The following RSF1 variants were observed in gnomAD, a reference collection of about 807,000 sequenced individuals.
RSF1 encodes the protein remodeling and spacing factor 1.
RSF1 carries 13 observed loss-of-function variants against 145.2 expected under a neutral mutation model. That is an observed-to-expected ratio of 0.09 (90% CI 0.06 to 0.14). RSF1 has a LOEUF of 0.14. Ranked by LOEUF, RSF1 falls within the 10% of genes least tolerant of loss-of-function variation. The probability of loss-of-function intolerance (pLI) is 1.00; values close to 1 mark genes in which losing one functional copy is unlikely to be tolerated. For missense variants in RSF1, 1,517 were observed against 1,718.2 expected (o/e 0.88, Z 2.07); for synonymous variants, 577 against 592.6 (o/e 0.97, Z 0.38).
At chr11:77,791,315 C>A (rs1401419921) in intron 1 of RSF1, among the ~76,000 whole-genome samples, 2 of 152,150 alleles carry the variant, frequency 1.3e-5, no homozygotes, top group Non-Finnish European at 2.9e-5. Context: ...GCTGGAGTGG[C>A]TGGGATGCAG....
rs576316931 is a variant in RSF1, at chr11:77,808,661, G to A, written c.187+11867C>T. Among the ~76,000 whole-genome samples the A allele has an allele frequency of 9.4e-4, 117 of 124,068 alleles. 11 individuals carry two copies. The highest frequency in any genetic ancestry group is 4.5e-4 in the Non-Finnish European group (28 of 62,758). 81.4% of individuals were successfully genotyped at this position (124,068 alleles called of 152,430 possible). On this transcript the variant is annotated intron_variant, in intron 1 of 15. Transcript: ENST00000308488. ...CCATTCTCCTGCCTCAGCCTCCCGA[G>A]TAGCTGGGACTACAGGCGCCCGCCA...
chr11:77,778,802 CT>C (rs1240540354), intron 1 of RSF1, among the ~76,000 whole-genome samples: 2 of 152,260 alleles, frequency 1.3e-5, no homozygotes, highest in East Asian at 3.9e-4. Flanking sequence ...TCTGATTTAT[CT>C]TCTCTCTCTG....
intron 5 of RSF1, among the ~76,000 whole-genome samples, chr11:77,706,393 CAT>C (rs1397752360): frequency 6.6e-6 from 1 of 152,034 alleles, no homozygotes; most frequent in Non-Finnish European, 1.5e-5. Flanking sequence ...AAAACTGAAA[CAT>C]AAATATCTAT....
intron 6 of RSF1, among the ~76,000 whole-genome samples, chr11:77,699,907 T>C (rs1186104836): frequency 3.1e-4 from 47 of 152,170 alleles, no homozygotes. Context: ...GAGTACTGTG[T>C]GGCCATTAAC....
chr11:77,684,999 A>G, intron 10 of RSF1, 106 bp downstream of exon 10: 1 of 537,654 alleles, frequency 1.9e-6, no homozygotes. Context: ...AAATAAATAA[A>G]TAAATAAATA....
chr11:77,735,030 G>A (rs965352144), intron 4 of RSF1: 21 of 1,501,856 alleles, frequency 1.4e-5, no homozygotes, highest in Middle Eastern at 1.9e-4. Flanking sequence ...TCCTCATGGC[G>A]GCGACTAAGG....
At chr11:77,797,819 A>G (rs942528137) in intron 1 of RSF1, among the ~76,000 whole-genome samples, 1 of 146,652 alleles carries the variant, frequency 6.8e-6, no homozygotes, top group Admixed American at 6.8e-5. Flanking sequence ...TTTACAAGAA[A>G]AAAACAACCC....
the RSF1 span, among the ~76,000 whole-genome samples, chr11:77,852,293 A>G: frequency 6.6e-6 from 1 of 151,856 alleles, no homozygotes; most frequent in Non-Finnish European, 1.5e-5. Context: ...ACTGAAATTA[A>G]TGATCATTTT....
intron 2 of RSF1, among the ~76,000 whole-genome samples, chr11:77,754,071 ATCTT>A (rs1948091442): frequency 6.6e-6 from 1 of 152,214 alleles, no homozygotes; most frequent in African/African-American, 2.4e-5. Flanking sequence ...AGATGATTCT[ATCTT>A]GGTAAAACTC....
chr11:77,685,587 TCCTGGCCC>T (rs1447571793), intron 9 of RSF1, among the ~76,000 whole-genome samples: 2 of 152,224 alleles, frequency 1.3e-5, no homozygotes, highest in Non-Finnish European at 2.9e-5. Flanking sequence ...TGACCACTGC[TCCTGGCCC>T]ATGTTAGCTA....
chr11:77,729,682 T>C (rs1961149138), intron 4 of RSF1, among the ~76,000 whole-genome samples: 1 of 151,874 alleles, frequency 6.6e-6, no homozygotes, highest in Non-Finnish European at 1.5e-5. Context: ...ATAATCTCCA[T>C]CACAGACTTT....
rs756618536 is a variant in RSF1 at position 77,683,698 on chromosome 11, T to A, written c.3065+12A>T. The A allele has an allele frequency of 6.4e-7, 1 of 1,567,362 alleles. No individual in the cohort carries two copies. Among genetic ancestry groups the A allele is most frequent in the Non-Finnish European group, 8.8e-7 (1 of 1,139,722 alleles). On this transcript the variant is annotated intron_variant, in intron 11 of 15. Transcript: ENST00000308488. ...TCCTCTTTTGCTGTAGACATTTCCA[T>A]ACACTTCATACCTGTAGCTTATACA... is the stretch of plus-strand genomic sequence containing the variant.
the RSF1 span, among the ~76,000 whole-genome samples, chr11:77,841,631 A>G: frequency 1.1e-4 from 16 of 152,174 alleles, no homozygotes; most frequent in African/African-American, 3.9e-4. Flanking sequence ...CTGAGGATCC[A>G]TTAGCCCAGA....
At chr11:77,815,263 C>G (rs950677857) in intron 1 of RSF1, among the ~76,000 whole-genome samples, 5 of 152,146 alleles carry the variant, frequency 3.3e-5, no homozygotes, top group African/African-American at 4.8e-5. Flanking sequence ...AAAATCAAAG[C>G]CTGCTAGAAC....
intron 1 of RSF1, among the ~76,000 whole-genome samples, chr11:77,775,411 G>C (rs1590879660): frequency 6.6e-6 from 1 of 152,196 alleles, no homozygotes; most frequent in Non-Finnish European, 1.5e-5. Context: ...GGAGCGAACA[G>C]GTGATATCAC....
At chr11:77,805,929 A>G (rs1016232279) in intron 1 of RSF1, among the ~76,000 whole-genome samples, 3 of 152,230 alleles carry the variant, frequency 2.0e-5, no homozygotes, top group African/African-American at 7.2e-5. Context: ...GGAAATTAAT[A>G]CTATTCCTAC....
chr11:77,715,592 C>T (rs1960789090), intron 5 of RSF1, among the ~76,000 whole-genome samples: 1 of 152,118 alleles, frequency 6.6e-6, no homozygotes, highest in Non-Finnish European at 1.5e-5. Context: ...GGATTACAGG[C>T]TCATGCCATC....
chr11:77,707,503 T>C (rs1253430115), intron 5 of RSF1, among the ~76,000 whole-genome samples: 1 of 152,128 alleles, frequency 6.6e-6, no homozygotes, highest in African/African-American at 2.4e-5. Flanking sequence ...AAATATAAGC[T>C]AAAACTAAAG....
intron 5 of RSF1, among the ~76,000 whole-genome samples, chr11:77,719,875 G>C (rs1432066215): frequency 6.6e-6 from 1 of 152,172 alleles, no homozygotes. Flanking sequence ...GAAAATGTCA[G>C]ACACAGATGG....
Sources: gnomAD v4.1 joint callset for allele counts (sites outside exome capture counted in the v4.1 genomes callset) on GRCh38, gnomAD v4.1.1 for gene constraint, MANE v1.5 for transcripts, NCBI Gene and HGNC (gene_info 2026-07-23, HGNC 2026-07-21) for gene names.